YWHAB: variants seen among roughly 807,000 people sequenced by gnomAD.
YWHAB encodes 14-3-3 protein beta/alpha.
A neutral mutation model predicts 28.5 loss-of-function variants in YWHAB; 2 were observed. The observed-to-expected ratio is 0.07, with a 90% confidence interval of 0.03 to 0.22. YWHAB has a LOEUF of 0.22. YWHAB is among the 10% of genes least tolerant of loss of function. The pLI is 1.00. For missense variants in YWHAB, 148 were observed against 297.1 expected, an observed-to-expected ratio of 0.50 and a Z score of 3.69; for synonymous variants, 103 against 104.7, an observed-to-expected ratio of 0.98 and a Z score of 0.10.
In YWHAB at chr20:44,908,314, ATTCTGCCTAACGT is replaced by A. The variant is rs1463174058; in HGVS notation, c.*1879_*1891del. 4.6e-5 allele frequency: 7 copies of A among 152,560 alleles called. No individual in the cohort carries two copies. The highest frequency in any genetic ancestry group is 1.7e-4 in the African/African-American group (7 of 41,422). 9.5% of individuals were successfully genotyped at this position (152,560 alleles called of 1,614,324 possible). On this transcript the variant is annotated 3_prime_UTR_variant, in exon 6 of 6. Coordinates refer to ENST00000353703, the MANE Select transcript of YWHAB (RefSeq NM_139323.4). Reference sequence around the variant, plus strand: ...TCTTGCTTTGTTTTTTCTTACCAGTATTCTGCCTAACGTTTGCTTCTGTGATGGTTATATTGCC... The same window carrying A: ...TCTTGCTTTGTTTTTTCTTACCAGTATTGCTTCTGTGATGGTTATATTGCC...
At chr20:44,894,916 T>C (rs1393172029) in intron 1 of YWHAB, among the ~76,000 whole-genome samples, 1 of 152,256 alleles carries the variant, frequency 6.6e-6, no homozygotes, top group East Asian at 1.9e-4. Flanking sequence ...CAATAATGAT[T>C]TGTAGAAAAA....
chr20:44,896,186 A>G (rs1162487402), intron 1 of YWHAB, among the ~76,000 whole-genome samples: 2 of 152,248 alleles, frequency 1.3e-5, no homozygotes, highest in Non-Finnish European at 2.9e-5. Flanking sequence ...TGGTAGCTGC[A>G]TTTAAAAATT....
chr20:44,890,109 C>T (rs1046205803), intron 1 of YWHAB, among the ~76,000 whole-genome samples: 7 of 152,112 alleles, frequency 4.6e-5, no homozygotes, highest in East Asian at 3.9e-4. Context: ...ATTTACTAAA[C>T]GAGTTAGCTG....
At chr20:44,889,703 C>A (rs2066549421) in intron 1 of YWHAB, among the ~76,000 whole-genome samples, 1 of 152,068 alleles carries the variant, frequency 6.6e-6, no homozygotes, top group South Asian at 2.1e-4. Flanking sequence ...AAGTCTTTGG[C>A]ATGTTTTTAT....
intron 1 of YWHAB, among the ~76,000 whole-genome samples, chr20:44,898,793 A>C (rs1286185329): frequency 6.7e-6 from 1 of 148,728 alleles, no homozygotes; most frequent in Non-Finnish European, 1.5e-5. Flanking sequence ...GGCATGAGCC[A>C]CTGCGCCCAG....
chr20:44,904,147 C>G, intron 3 of YWHAB, 31 bp downstream of exon 3: 2 of 1,610,022 alleles, frequency 1.2e-6, no homozygotes. Context: ...GAAATTCGAC[C>G]AGTAATGGAG....
Position 44,901,754 on chromosome 20 carries a change from A to G in YWHAB, c.221A>G (p.Asn74Ser), listed in dbSNP as rs556782816. ...ISSIEQKTERNEKKQQMGKEY... is the reference protein window; with the variant it reads ...ISSIEQKTERSEKKQQMGKEY... The stretch of plus-strand genomic sequence containing the variant: ...AGCATTGAGCAGAAAACAGAGAGGA[A>G]TGAGAAGAAGCAGCAGATGGGCAAA... Residue 74 changes from asparagine to serine, a missense_variant, in exon 2 of 6, where the codon AAT becomes AGT. Transcript: ENST00000353703. The G allele has an allele frequency of 1.2e-6, 2 of 1,613,918 alleles. No individual in the cohort carries two copies. Among genetic ancestry groups the G allele is most frequent in the Admixed American group, 1.7e-5 (1 of 60,018 alleles).
chr20:44,904,164 T>G (rs754917620), intron 3 of YWHAB, 48 bp downstream of exon 3: 20 of 1,604,530 alleles, frequency 1.2e-5, no homozygotes, highest in Non-Finnish European at 1.6e-5. Context: ...GGAGCCAGTC[T>G]TCTTTCACAG....
intron 1 of YWHAB, among the ~76,000 whole-genome samples, chr20:44,900,383 C>CA (rs1418857850): frequency 6.6e-6 from 1 of 152,202 alleles, no homozygotes; most frequent in Non-Finnish European, 1.5e-5. Context: ...TAACCAAGGT[C>CA]ATGCCACTTG....
chr20:44,897,411 T>C lies in YWHAB; in HGVS notation c.-3-4120T>C, dbSNP rs1421872599. Among the ~76,000 whole-genome samples the C allele has an allele frequency of 2.0e-5, 3 of 152,210 alleles. 1 individual carries two copies. The highest frequency in any genetic ancestry group is 4.4e-5 in the Non-Finnish European group (3 of 68,022). ...TGGGCCTCTAAGTGACTTCTAACTT[T>C]GAGTTAGTCTACAGACTGGAAATTT... On this transcript the variant is annotated intron_variant, in intron 1 of 5. Transcript: ENST00000353703.
intron 1 of YWHAB, among the ~76,000 whole-genome samples, chr20:44,889,691 G>A (rs2066549374): frequency 1.3e-5 from 2 of 152,208 alleles, no homozygotes; most frequent in South Asian, 2.1e-4. Flanking sequence ...TGACATTTTG[G>A]TAAGTCTTTG....
intron 3 of YWHAB, 33 bp from the exon 4 acceptor site, chr20:44,904,935 C>A: frequency 6.4e-7 from 1 of 1,554,590 alleles, no homozygotes; most frequent in South Asian, 1.2e-5. Flanking sequence ...ATGAAAGAAC[C>A]GAGCCTTTAA....
intron 2 of YWHAB, chr20:44,903,027 C>G: frequency 1.0e-6 from 1 of 985,976 alleles, no homozygotes; most frequent in Non-Finnish European, 1.2e-6. Context: ...CTTACTGCCT[C>G]TTAACCAGTT....
intron 1 of YWHAB, among the ~76,000 whole-genome samples, chr20:44,895,651 A>G (rs936468484): frequency 6.6e-6 from 1 of 152,116 alleles, no homozygotes; most frequent in African/African-American, 2.4e-5. Flanking sequence ...TATTTTTTGT[A>G]GAGACAAGGT....
At chr20:44,891,153 C>G (rs1197601851) in intron 1 of YWHAB, among the ~76,000 whole-genome samples, 1 of 151,912 alleles carries the variant, frequency 6.6e-6, no homozygotes, top group African/African-American at 2.4e-5. Flanking sequence ...GAGTCTTGCT[C>G]TGTCGCCTAG....
intron 1 of YWHAB, chr20:44,887,414 TG>T: frequency 6.6e-6 from 1 of 152,350 alleles, no homozygotes; most frequent in East Asian, 1.9e-4. Context: ...TGAGGTGATT[TG>T]GCCTAGACTA....
Position 44,899,622 on chromosome 20 carries a change from A to G in YWHAB, c.-3-1909A>G, listed in dbSNP as rs367804263. Among the ~76,000 whole-genome samples, 33 of 152,374 alleles carry G rather than the reference A, an allele frequency of 2.2e-4. No individual in the cohort carries two copies. In the South Asian group the frequency reaches 6.8e-3, roughly 32 times the overall value. On this transcript the variant is annotated intron_variant, in intron 1 of 5. Coordinates refer to ENST00000353703, the MANE Select transcript of YWHAB (RefSeq NM_139323.4). ...ATATATCAATATTTAAACCAACAGTACATAAAATTAACTCTTCTTGTTTAG... is the reference window on the plus strand; with the variant it reads ...ATATATCAATATTTAAACCAACAGTGCATAAAATTAACTCTTCTTGTTTAG...
intron 1 of YWHAB, among the ~76,000 whole-genome samples, chr20:44,892,517 C>T (rs2066568931): frequency 6.6e-6 from 1 of 152,030 alleles, no homozygotes; most frequent in Middle Eastern, 3.2e-3. Flanking sequence ...GACTACACTG[C>T]TTTCTTTTAA....
intron 4 of YWHAB, chr20:44,905,438 T>G: frequency 4.1e-6 from 1 of 243,188 alleles, no homozygotes; most frequent in South Asian, 1.1e-4. Context: ...TGCCAAGATT[T>G]GAGGTTATAG....
Sources: gnomAD v4.1 joint callset for allele counts (sites outside exome capture counted in the v4.1 genomes callset) on GRCh38, gnomAD v4.1.1 for gene constraint, MANE v1.5 for transcripts, NCBI Gene and HGNC (gene_info 2026-07-23, HGNC 2026-07-21) for gene names.